DGKB: variants seen among roughly 807,000 people sequenced by gnomAD.
The protein encoded by DGKB is diacylglycerol kinase beta, also known as 90 kDa diacylglycerol kinase.
DGKB carries 67 observed loss-of-function variants against 114.3 expected under a neutral mutation model. The ratio of observed to expected loss-of-function variants is 0.59; its 90% CI spans 0.48 to 0.72. The LOEUF (loss-of-function observed/expected upper bound fraction) is 0.72, where lower values mean the gene tolerates loss of function less well. Ranked by LOEUF, DGKB falls within the 30% of genes least tolerant of loss-of-function variation. The pLI is 0.00. For synonymous variants in DGKB, 398 were observed against 323.1 expected (o/e 1.23, Z -2.49); for missense variants, 907 against 975.2 (o/e 0.93, Z 0.93).
chr7:14,170,149 G>GAA (rs869265814), intron 25 of DGKB, among the ~76,000 whole-genome samples: 1 of 26,570 alleles, frequency 3.8e-5, no homozygotes, highest in Admixed American at 5.1e-4. Context: ...AAAAAAAAAA[G>GAA]AAAGAAAGAA....
At chr7:14,336,930 C>G (rs1810778619) in intron 23 of DGKB, among the ~76,000 whole-genome samples, 1 of 151,814 alleles carries the variant, frequency 6.6e-6, no homozygotes, top group African/African-American at 2.4e-5. Context: ...AAAGACATAT[C>G]AAGTATTGAG....
At chr7:14,607,324 A>G in intron 17 of DGKB, 110 bp downstream of exon 17, 2 of 624,694 alleles carry the variant, frequency 3.2e-6, no homozygotes, top group Non-Finnish European at 5.7e-6. Context: ...ATTTTTATGT[A>G]CTAATATGCT....
intron 5 of DGKB, among the ~76,000 whole-genome samples, chr7:14,720,461 C>T (rs1057276634): frequency 6.8e-6 from 1 of 147,366 alleles, no homozygotes; most frequent in Admixed American, 6.7e-5. Context: ...CGGGACACCA[C>T]GCCCGGCTGA....
chr7:14,901,876 G>T (rs1783138285), intron 1 of DGKB, among the ~76,000 whole-genome samples: 2 of 152,166 alleles, frequency 1.3e-5, no homozygotes, highest in South Asian at 2.1e-4. Context: ...TTCATTTTCT[G>T]CCAGTGAACA....
rs971446215 is a variant in DGKB at position 14,766,634 on chromosome 7, G to T, written c.71-8903C>A. 2.0e-5 allele frequency among the ~76,000 whole-genome samples: 3 copies of T among 151,958 alleles called. 1 individual carries two copies. The South Asian group carries it at 6.2e-4, about 32-fold the overall frequency. Reference sequence around the variant, plus strand: ...TATGAGTGTGGAACCCAATAGAGAAGCCTGGGCTGAAGAACGAAATTTGAG... The same window carrying T: ...TATGAGTGTGGAACCCAATAGAGAATCCTGGGCTGAAGAACGAAATTTGAG... On this transcript the variant is annotated intron_variant, in intron 2 of 25. Coordinates refer to ENST00000402815, the MANE Select transcript of DGKB (RefSeq NM_001350709.2).
intron 21 of DGKB, among the ~76,000 whole-genome samples, chr7:14,380,827 T>G (rs1457553669): frequency 6.6e-6 from 1 of 152,216 alleles, no homozygotes; most frequent in Non-Finnish European, 1.5e-5. Flanking sequence ...ATATTTTAAT[T>G]CTACAGACAT....
At chr7:14,423,866 G>A (rs1326801427) in intron 21 of DGKB, among the ~76,000 whole-genome samples, 1 of 151,932 alleles carries the variant, frequency 6.6e-6, no homozygotes, top group African/African-American at 2.4e-5. Context: ...TTTGTAAATG[G>A]TAACTCTATT....
At chr7:14,743,048 A>G (rs1832784729) in intron 4 of DGKB, among the ~76,000 whole-genome samples, 1 of 152,192 alleles carries the variant, frequency 6.6e-6, no homozygotes, top group South Asian at 2.1e-4. Flanking sequence ...AAGCACAACA[A>G]GGTTTTCTTA....
At chr7:14,245,982 G>A (rs956268916) in intron 23 of DGKB, among the ~76,000 whole-genome samples, 2 of 152,116 alleles carry the variant, frequency 1.3e-5, no homozygotes, top group Non-Finnish European at 2.9e-5. Flanking sequence ...ACGAGAATGT[G>A]CTGGCTAGAT....
chr7:14,863,164 G>A lies in DGKB; in HGVS notation c.-187-21714C>T, dbSNP rs1851235276. Among the ~76,000 whole-genome samples, 3 of 151,648 alleles carry A rather than the reference G, an allele frequency of 2.0e-5. No homozygotes were observed. The South Asian group carries it at 6.2e-4, about 32-fold the overall frequency. On this transcript the variant is annotated intron_variant, in intron 1 of 25. Coordinates refer to ENST00000402815, the MANE Select transcript of DGKB (RefSeq NM_001350709.2). ...AAATTGTATCCCCTTAAATTTTAGA[G>A]ATGTTGTGAAACTTTCCATATTTAT...
chr7:14,622,482 T>G (rs1445744157), intron 14 of DGKB, among the ~76,000 whole-genome samples: 1 of 152,120 alleles, frequency 6.6e-6, no homozygotes, highest in Non-Finnish European at 1.5e-5. Context: ...AGCCTTAATT[T>G]CCACATGCAG....
At chr7:14,905,263 T>TTA (rs1783634517), upstream of DGKB, among the ~76,000 whole-genome samples, 1 of 136,616 alleles carries the variant, frequency 7.3e-6, no homozygotes, top group Non-Finnish European at 1.5e-5. Context: ...TTTTTTTTTT[T>TTA]AACAGCTTAT....
chr7:14,843,870 A>AG (rs750927509), intron 1 of DGKB, among the ~76,000 whole-genome samples: 2 of 151,930 alleles, frequency 1.3e-5, no homozygotes, highest in South Asian at 2.1e-4. Flanking sequence ...GCTTACAGTT[A>AG]CACGAAAGGC....
chr7:14,512,430 T>G (rs1445157167), intron 20 of DGKB, among the ~76,000 whole-genome samples: 2 of 152,312 alleles, frequency 1.3e-5, no homozygotes, highest in Admixed American at 1.3e-4. Context: ...TTGTAGTATA[T>G]TAACATGTTA....
chr7:14,598,484 A>T (rs1438248729), intron 17 of DGKB, among the ~76,000 whole-genome samples: 8 of 152,204 alleles, frequency 5.3e-5, no homozygotes, highest in Admixed American at 5.2e-4. Flanking sequence ...GCAGATGCTC[A>T]TGTTTCTTCA....
chr7:14,759,023 C>A (rs1586276358), intron 2 of DGKB, among the ~76,000 whole-genome samples: 1 of 152,140 alleles, frequency 6.6e-6, no homozygotes, highest in South Asian at 2.1e-4. Context: ...CTCCTGGGTT[C>A]AACCGGTTCT....
chr7:14,731,009 T>C (rs769652265), intron 5 of DGKB, among the ~76,000 whole-genome samples: 2 of 152,154 alleles, frequency 1.3e-5, no homozygotes, highest in Non-Finnish European at 2.9e-5. Context: ...TGATAGTTTA[T>C]GATGAATTAA....
intron 13 of DGKB, among the ~76,000 whole-genome samples, chr7:14,646,891 C>A (rs1813139465): frequency 6.6e-6 from 1 of 151,638 alleles, no homozygotes; most frequent in South Asian, 2.1e-4. Context: ...TTAAAATAAA[C>A]AACCTAACAA....
upstream of DGKB, among the ~76,000 whole-genome samples, chr7:14,907,828 G>A (rs1193689258): frequency 6.6e-6 from 1 of 152,140 alleles, no homozygotes; most frequent in East Asian, 1.9e-4. Flanking sequence ...AGTGGTCTGA[G>A]CAATGATAAG....
Sources: allele counts gnomAD v4.1 joint callset (sites outside exome capture counted in the v4.1 genomes callset), GRCh38; gene constraint gnomAD v4.1.1; transcripts MANE v1.5; gene names NCBI Gene and HGNC (gene_info 2026-07-23, HGNC 2026-07-21).